The following FSHR variants were observed in gnomAD, a reference collection of about 807,000 sequenced individuals.
The protein encoded by FSHR is follicle stimulating hormone receptor.
FSHR carries 46 observed loss-of-function variants against 52.1 expected under a neutral mutation model. The ratio of observed to expected loss-of-function variants is 0.88; its 90% CI spans 0.70 to 1.13. The LOEUF (loss-of-function observed/expected upper bound fraction) is 1.13, where lower values mean the gene tolerates loss of function less well. Among genes scored for constraint, FSHR ranks in the 50% most tolerant of loss-of-function variants. The pLI is 0.00. For synonymous variants in FSHR, 399 were observed against 309.6 expected, an observed-to-expected ratio of 1.29 and a Z score of -3.03; for missense variants, 964 against 834.6, an observed-to-expected ratio of 1.16 and a Z score of -1.91.
At chr2:49,064,277 T>C (rs776929612) in intron 2 of FSHR, among the ~76,000 whole-genome samples, 2 of 152,126 alleles carry the variant, frequency 1.3e-5, no homozygotes, top group Non-Finnish European at 2.9e-5. Flanking sequence ...CCAAATTTCC[T>C]GTTAAAACTC....
intron 1 of FSHR, among the ~76,000 whole-genome samples, chr2:49,115,727 G>A (rs962489328): frequency 1.3e-5 from 2 of 152,158 alleles, no homozygotes; most frequent in African/African-American, 4.8e-5. Flanking sequence ...GTAAGAATCA[G>A]CTGTAGTGCC....
intron 1 of FSHR, among the ~76,000 whole-genome samples, chr2:49,085,723 A>C (rs1207237020): frequency 6.6e-6 from 1 of 152,244 alleles, no homozygotes; most frequent in Non-Finnish European, 1.5e-5. Context: ...CCAAATGTCC[A>C]ACAATGATAG....
chr2:48,968,865 C>G lies in FSHR; in HGVS notation c.687G>C (p.Arg229Ser). The G allele has an allele frequency of 6.2e-7, 1 of 1,613,664 alleles. No homozygotes were observed. Among genetic ancestry groups the G allele is most frequent in the South Asian group, 1.1e-5 (1 of 91,060 alleles). The change falls in exon 9 of 10, where the codon AGG (arginine) becomes AGC (serine). Residue 229 changes from arginine to serine, a missense_variant. Physicochemically the swap from Arg to Ser is moderately radical, Grantham distance 110 (BLOSUM62 -1). Transcript: ENST00000406846. ...AGCCATAGCTAGGCAGGGAATGGAT[C>G]CTTGTTCTTGAAATATCTCTATAAA... ...GPVILDISRT[R>S]IHSLPSYGLE...
chr2:49,148,898 G>A (rs1672963586), intron 1 of FSHR, among the ~76,000 whole-genome samples: 1 of 151,890 alleles, frequency 6.6e-6, no homozygotes, highest in Non-Finnish European at 1.5e-5. Context: ...TTTTGAACTG[G>A]GAAATCACAA....
intron 4 of FSHR, among the ~76,000 whole-genome samples, chr2:48,992,977 G>T (rs1045185251): frequency 1.3e-5 from 2 of 151,982 alleles, no homozygotes; most frequent in African/African-American, 4.8e-5. Flanking sequence ...GGCCTCTCTG[G>T]ATCATTTAGC....
intron 2 of FSHR, among the ~76,000 whole-genome samples, chr2:49,047,633 A>G (rs1176426859): frequency 6.6e-6 from 1 of 152,222 alleles, no homozygotes; most frequent in Non-Finnish European, 1.5e-5. Context: ...ATTGGGCATT[A>G]CCCACTTTAT....
chr2:49,006,415 T>C (rs576835788), intron 4 of FSHR, among the ~76,000 whole-genome samples: 18 of 152,204 alleles, frequency 1.2e-4, no homozygotes, highest in Admixed American at 3.9e-4. Context: ...TACCCAACCC[T>C]ATCCATCCAA....
intron 4 of FSHR, 51 bp from the exon 5 acceptor site, chr2:48,990,688 C>T (rs1458878044): frequency 9.2e-7 from 1 of 1,091,442 alleles, no homozygotes; most frequent in Non-Finnish European, 1.4e-6. Flanking sequence ...GCTGTTTAAA[C>T]AGTTGTTAGA....
In FSHR at chr2:48,962,710, C is replaced by T. The variant is rs369698547; in HGVS notation, c.*23G>A. On this transcript the variant is annotated 3_prime_UTR_variant, in exon 10 of 10. Transcript: ENST00000406846. ...CAAGACTGAATTATCATTCAATACT[C>T]AGATACATTTTCACATTGTGTTTTA... The T allele has an allele frequency of 6.2e-7, 1 of 1,607,506 alleles. No individual in the cohort carries two copies.
At chr2:49,091,114 C>A (rs983280676) in intron 1 of FSHR, among the ~76,000 whole-genome samples, 30 of 147,260 alleles carry the variant, frequency 2.0e-4, no homozygotes, top group African/African-American at 7.5e-4. Flanking sequence ...TTTTACATTT[C>A]GATGAAGTCC....
chr2:48,981,683 CT>C (rs1209202053), intron 8 of FSHR, among the ~76,000 whole-genome samples: 1 of 152,166 alleles, frequency 6.6e-6, no homozygotes, highest in African/African-American at 2.4e-5. Flanking sequence ...ACAACACACC[CT>C]TTATCATTAA....
intron 1 of FSHR, among the ~76,000 whole-genome samples, chr2:49,144,259 G>A (rs982756635): frequency 6.6e-6 from 1 of 152,144 alleles, no homozygotes; most frequent in Non-Finnish European, 1.5e-5. Flanking sequence ...CAGCCTAGCT[G>A]TTTCTTTGGC....
At chr2:49,139,957 C>CA (rs761595762) in intron 1 of FSHR, among the ~76,000 whole-genome samples, 3 of 151,938 alleles carry the variant, frequency 2.0e-5, no homozygotes, top group Non-Finnish European at 4.4e-5. Context: ...TTTAAGGCTC[C>CA]AAGAATTGAT....
chr2:49,028,866 A>G lies in FSHR; in HGVS notation c.225-8706T>C, dbSNP rs536043521. On this transcript the variant is annotated intron_variant, in intron 2 of 9. Coordinates refer to ENST00000406846, the MANE Select transcript of FSHR (RefSeq NM_000145.4). ...ATGCTGAGAAATACCAACCCAGACC[A>G]CTCGATGAGAAAGAAAGAAACTTGT... Among the ~76,000 whole-genome samples the G allele has an allele frequency of 2.0e-5, 3 of 152,260 alleles. No individual in the cohort carries two copies. In the East Asian group the frequency reaches 5.8e-4, roughly 29 times the overall value.
intron 1 of FSHR, among the ~76,000 whole-genome samples, chr2:49,086,601 A>T (rs2103675563): frequency 6.6e-6 from 1 of 152,268 alleles, no homozygotes; most frequent in African/African-American, 2.4e-5. Flanking sequence ...TCTCTCCTGG[A>T]GGTGGGTGTG....
intron 1 of FSHR, among the ~76,000 whole-genome samples, chr2:49,124,545 A>G (rs1170343950): frequency 6.6e-6 from 1 of 151,812 alleles, no homozygotes; most frequent in Non-Finnish European, 1.5e-5. Context: ...GGGAAACTGT[A>G]GCTCCATTTT....
intron 1 of FSHR, among the ~76,000 whole-genome samples, chr2:49,088,228 A>G (rs1196021632): frequency 6.6e-6 from 1 of 152,190 alleles, no homozygotes; most frequent in Non-Finnish European, 1.5e-5. Flanking sequence ...AGGGCTGGTA[A>G]AGTTTTAATG....
At chr2:49,029,754 C>G (rs1409134628) in intron 2 of FSHR, among the ~76,000 whole-genome samples, 3 of 152,194 alleles carry the variant, frequency 2.0e-5, no homozygotes, top group African/African-American at 7.2e-5. Context: ...AGTCCTGACT[C>G]TGCCACTAAT....
chr2:48,962,735 A>C lies in FSHR; in HGVS notation c.2086T>G (p.Ter696GluextTer4), dbSNP rs745960881. ...CAGATACATTTTCACATTGTGTTTT[A>C]GTTTTGGGCTAAATGACTTAGAGGG... ...LVPLSHLAQN[*>E] is the part of the protein sequence containing the mutation. The change falls in exon 10 of 10, where the codon TAA becomes GAA. Residue 696 changes from the stop codon to glutamate (E), a stop_lost. Coordinates refer to ENST00000406846, the MANE Select transcript of FSHR (RefSeq NM_000145.4). 9.3e-6 allele frequency: 15 copies of C among 1,613,178 alleles called. No individual in the cohort carries two copies. The Admixed American group carries it at 2.5e-4, about 27-fold the overall frequency.
Sources: allele counts gnomAD v4.1 joint callset (sites outside exome capture counted in the v4.1 genomes callset), GRCh38; gene constraint gnomAD v4.1.1; transcripts MANE v1.5; gene names NCBI Gene and HGNC (gene_info 2026-07-23, HGNC 2026-07-21).